The following STYK1 variants were observed in gnomAD, a reference collection of about 807,000 sequenced individuals.
STYK1 encodes the protein STY kinase 1, also known as tyrosine-protein kinase STYK1.
Under a neutral mutation model 48.1 loss-of-function variants are expected in STYK1, and 46 were observed. The ratio of observed to expected loss-of-function variants is 0.96; its 90% CI spans 0.75 to 1.22. The LOEUF is 1.22. Ranked by LOEUF, STYK1 falls within the 50% of genes most tolerant of loss-of-function variation. The probability of loss-of-function intolerance (pLI) is 0.00; values close to 1 mark genes in which losing one functional copy is unlikely to be tolerated. For synonymous variants in STYK1, 188 were observed against 189.0 expected (o/e 0.99, Z 0.04); for missense variants, 527 against 521.1 (o/e 1.01, Z -0.11).
chr12:10,631,421 T>A, intron 4 of STYK1, 113 bp from the exon 5 acceptor site: 1 of 1,366,876 alleles, frequency 7.3e-7, no homozygotes, highest in Non-Finnish European at 9.9e-7. Context: ...CTTTGGCCAA[T>A]GGGGAGTTGT....
At chr12:10,647,433 T>C (rs959469065) in intron 1 of STYK1, among the ~76,000 whole-genome samples, 8 of 152,226 alleles carry the variant, frequency 5.3e-5, no homozygotes, top group South Asian at 4.1e-4. Context: ...TTTCTCCCTG[T>C]GGAACAGCTG....
At chr12:10,626,648 G>A (rs1947361686) in intron 7 of STYK1, among the ~76,000 whole-genome samples, 1 of 152,050 alleles carries the variant, frequency 6.6e-6, no homozygotes, top group African/African-American at 2.4e-5. Flanking sequence ...TAAACTTCCT[G>A]GGTAATTCTG....
intron 1 of STYK1, among the ~76,000 whole-genome samples, chr12:10,652,986 T>C (rs879446801): frequency 1.3e-5 from 2 of 152,150 alleles, no homozygotes. Context: ...TCTCCTGAAA[T>C]AGGGAAAGGA....
In STYK1 at chr12:10,631,104, G is replaced by T; in HGVS notation, c.392C>A (p.Ala131Asp). The T allele has an allele frequency of 1.9e-6, 3 of 1,614,098 alleles. No individual in the cohort carries two copies. Among genetic ancestry groups the T allele is most frequent in the Non-Finnish European group, 2.5e-6 (3 of 1,180,020 alleles). ...AGAAGGGTCCCCAGTGTTCATATTG[G>T]CTCGAAAGATGGGCCCACAGCTACC... is the stretch of plus-strand genomic sequence containing the variant. The part of the protein sequence containing the change: ...CSGSCGPIFR[A>D]NMNTGDPSKP... The change falls in exon 5 of 11, where the codon GCC becomes GAC. Residue 131 changes from alanine to aspartate, a missense_variant. By Grantham distance (126) the Ala-to-Asp change is moderately radical (BLOSUM62 -2). Transcript: ENST00000075503.
intron 1 of STYK1, among the ~76,000 whole-genome samples, chr12:10,645,146 G>C (rs1174553561): frequency 1.3e-5 from 2 of 152,142 alleles, no homozygotes; most frequent in African/African-American, 4.8e-5. Context: ...ATGGACAACA[G>C]CTGGGCTAAA....
intron 1 of STYK1, among the ~76,000 whole-genome samples, chr12:10,644,719 G>A (rs1372602827): frequency 6.6e-6 from 1 of 152,190 alleles, no homozygotes; most frequent in Admixed American, 6.5e-5. Flanking sequence ...GTTGTAGAAG[G>A]TAAGAAGGAG....
chr12:10,648,055 A>T (rs1947620578), intron 1 of STYK1, among the ~76,000 whole-genome samples: 1 of 152,086 alleles, frequency 6.6e-6, no homozygotes, highest in Non-Finnish European at 1.5e-5. Flanking sequence ...ATGATTATAA[A>T]CCCCATAGAT....
chr12:10,634,075 A>G lies in STYK1; in HGVS notation c.102T>C (p.Val34=). The G allele has an allele frequency of 6.2e-7, 1 of 1,614,182 alleles. No individual in the cohort carries two copies. Among genetic ancestry groups the G allele is most frequent in the Non-Finnish European group, 8.5e-7 (1 of 1,180,024 alleles). ...CCCCAAGAAGGATGAGGAAGATAGT[A>G]ACCAACAAAGTTGGGACGATAATCA... The part of the protein sequence containing the change: ...YEVIIVPTLL[V]TIFLILLGVI... Residue 34 remains valine (V), a synonymous_variant, in exon 4 of 11, where the codon GTT becomes GTC. Transcript: ENST00000075503.
chr12:10,666,698 A>G (rs767888941), intron 1 of STYK1, among the ~76,000 whole-genome samples: 1 of 152,176 alleles, frequency 6.6e-6, no homozygotes, highest in Non-Finnish European at 1.5e-5. Flanking sequence ...CGTGATAGGA[A>G]TAAGTTCTCA....
At chr12:10,642,821 T>C (rs1024747683) in intron 1 of STYK1, among the ~76,000 whole-genome samples, 1 of 152,202 alleles carries the variant, frequency 6.6e-6, no homozygotes, top group Non-Finnish European at 1.5e-5. Context: ...AATAGCATAA[T>C]GCTGTAAAGT....
At chr12:10,671,016 T>TTTA in intron 1 of STYK1, among the ~76,000 whole-genome samples, 1 of 147,682 alleles carries the variant, frequency 6.8e-6, no homozygotes, top group Non-Finnish European at 1.5e-5. Context: ...TTTTTTTTTT[T>TTTA]TGACAGTCTG....
At chr12:10,663,499 T>G (rs1165286564) in intron 1 of STYK1, among the ~76,000 whole-genome samples, 1 of 147,288 alleles carries the variant, frequency 6.8e-6, no homozygotes, top group Non-Finnish European at 1.5e-5. Flanking sequence ...CTCGGGAGGC[T>G]GAGGAAGGAG....
chr12:10,647,460 A>C (rs1290825950), intron 1 of STYK1, among the ~76,000 whole-genome samples: 1 of 152,222 alleles, frequency 6.6e-6, no homozygotes, highest in Non-Finnish European at 1.5e-5. Flanking sequence ...CACAATGTCT[A>C]TATCCCCATT....
intron 4 of STYK1, among the ~76,000 whole-genome samples, chr12:10,632,431 C>A (rs10845188): frequency 0.56 from 84,192 of 151,480 alleles, 24,545 homozygotes; most frequent in East Asian, 0.79. Flanking sequence ...GAGAAATAGC[C>A]AGGAAGCCAG....
In STYK1 at chr12:10,631,774, G is replaced by A. The variant is rs188893856; in HGVS notation, c.188-466C>T. 7.2e-3 allele frequency among the ~76,000 whole-genome samples: 1,100 copies of A among 152,290 alleles called. 10 individuals carry two copies. Among genetic ancestry groups the A allele is most frequent in the African/African-American group, 0.025 (1,024 of 41,564 alleles). ...GCTATGGTTATTCTTCCTCCTTTGA[G>A]TTACCCCAAAAGTCAAGTTATTTCA... On this transcript the variant is annotated intron_variant, in intron 4 of 10. Coordinates refer to ENST00000075503, the MANE Select transcript of STYK1 (RefSeq NM_018423.3).
In STYK1 at chr12:10,620,283, C is replaced by T. The variant is rs758169281; in HGVS notation, c.1130G>A (p.Arg377His). ...TTTAATGGCAGCTTCTAGGCGCAAG[C>T]GCAGCTCTCTAGGTGAGGGGCGGTC... Reference protein sequence around the residue: ...EADRPSPRELRLRLEAAIKTA... With the variant: ...EADRPSPRELHLRLEAAIKTA... The change falls in exon 11 of 11, where the codon CGC becomes CAC. Residue 377 changes from arginine to histidine, a missense_variant. Arg to His is a conservative substitution (Grantham distance 29). Coordinates refer to ENST00000075503, the MANE Select transcript of STYK1 (RefSeq NM_018423.3). 6.8e-5 allele frequency: 110 copies of T among 1,614,048 alleles called. 2 individuals carry two copies. The highest frequency in any genetic ancestry group is 6.3e-4 in the South Asian group (57 of 91,074).
At chr12:10,660,083 A>G (rs561226473) in intron 1 of STYK1, among the ~76,000 whole-genome samples, 1 of 152,294 alleles carries the variant, frequency 6.6e-6, no homozygotes, top group East Asian at 1.9e-4. Flanking sequence ...GTGACCACAT[A>G]TCATCTTGGT....
At chr12:10,630,154 G>T (rs139794577) in intron 5 of STYK1, among the ~76,000 whole-genome samples, 1,672 of 151,998 alleles carry the variant, frequency 0.011, 12 homozygotes, top group Middle Eastern at 0.017. Flanking sequence ...GGGAGGTTGA[G>T]GCTGGTGGAT....
At chr12:10,665,122 G>A (rs1362103153) in intron 1 of STYK1, among the ~76,000 whole-genome samples, 1 of 152,158 alleles carries the variant, frequency 6.6e-6, no homozygotes, top group Admixed American at 6.5e-5. Context: ...AGCTGCTTGG[G>A]CTTCAAGAAA....
Sources: allele counts gnomAD v4.1 joint callset (sites outside exome capture counted in the v4.1 genomes callset), GRCh38; gene constraint gnomAD v4.1.1; transcripts MANE v1.5; gene names NCBI Gene and HGNC (gene_info 2026-07-23, HGNC 2026-07-21).